The following DR1 variants were observed in gnomAD, a reference collection of about 807,000 sequenced individuals.
DR1 encodes the protein down-regulator of transcription 1.
In DR1, 7 loss-of-function variants were observed where a neutral mutation model predicts 19.9. The observed-to-expected ratio is 0.35, with a 90% CI of 0.20 to 0.66. The LOEUF (loss-of-function observed/expected upper bound fraction) is 0.66, where lower values mean the gene tolerates loss of function less well. DR1 is among the 30% of genes least tolerant of loss of function. The probability of loss-of-function intolerance (pLI) is 0.66; values close to 1 mark genes in which losing one functional copy is unlikely to be tolerated. For synonymous variants in DR1, 76 were observed against 72.5 expected, an observed-to-expected ratio of 1.05 and a Z score of -0.24; for missense variants, 98 against 203.7, an observed-to-expected ratio of 0.48 and a Z score of 3.16.
At chr1:93,351,022 C>T (rs112303306) in intron 1 of DR1, among the ~76,000 whole-genome samples, 103 of 152,252 alleles carry the variant, frequency 6.8e-4, no homozygotes, top group African/African-American at 2.2e-3. Flanking sequence ...ACTGAACAAC[C>T]TACCTAACTG....
At chr1:93,351,436 C>CTTTTTTTT (rs397862048) in intron 1 of DR1, among the ~76,000 whole-genome samples, 3 of 103,844 alleles carry the variant, frequency 2.9e-5, no homozygotes, top group East Asian at 2.8e-4. Flanking sequence ...GATTTTCTTT[C>CTTTTTTTT]TTTTTTTTTT....
chr1:93,346,549 C>A lies in DR1; in HGVS notation c.-97C>A. The A allele has an allele frequency of 1.0e-6, 1 of 981,016 alleles. No individual in the cohort carries two copies. The highest frequency in any genetic ancestry group is 1.6e-6 in the Non-Finnish European group (1 of 643,622). 60.8% of individuals were successfully genotyped at this position (981,016 alleles called of 1,614,324 possible). On this transcript the variant is annotated 5_prime_UTR_variant, in exon 1 of 3. Coordinates refer to ENST00000370272, the MANE Select transcript of DR1 (RefSeq NM_001938.3). ...CTCTTCGCAAAGCACCCCCCGGGAT[C>A]ACTCTCCGAGGGCGACTTTTTGAGA... is the stretch of plus-strand genomic sequence containing the variant.
chr1:93,358,141 GAGAA>G (rs1414786718), intron 2 of DR1, among the ~76,000 whole-genome samples: 2 of 152,126 alleles, frequency 1.3e-5, no homozygotes, highest in African/African-American at 4.8e-5. Flanking sequence ...AAGAAGGAAA[GAGAA>G]AGAAATCCCA....
chr1:93,357,880 T>C (rs994953191), intron 2 of DR1, among the ~76,000 whole-genome samples: 1 of 152,162 alleles, frequency 6.6e-6, no homozygotes, highest in African/African-American at 2.4e-5. Context: ...GTAAGACATA[T>C]GTGGTACTAT....
Position 93,364,326 on chromosome 1 carries a change from C to T in DR1, c.*3687C>T, listed in dbSNP as rs752684687. The T allele has an allele frequency of 6.6e-6, 1 of 151,988 alleles. No individual in the cohort carries two copies. Among genetic ancestry groups the T allele is most frequent in the Non-Finnish European group, 1.5e-5 (1 of 67,994 alleles). 9.4% of individuals were successfully genotyped at this position (151,988 alleles called of 1,614,324 possible). On this transcript the variant is annotated 3_prime_UTR_variant, in exon 3 of 3. Coordinates refer to ENST00000370272, the MANE Select transcript of DR1 (RefSeq NM_001938.3). ...AGAAAAAATGCAAATTTTAAGTAAT[C>T]GTAAGTAGTATGTTGAATTAGTATG...
At position 93,364,700 on chromosome 1, in the gene DR1, T is replaced by G. The variant is rs575703043; in HGVS notation, c.*4061T>G. 21 of 152,114 alleles carry G rather than the reference T, an allele frequency of 1.4e-4. No individual in the cohort carries two copies. Among genetic ancestry groups the G allele is most frequent in the African/African-American group, 4.3e-4 (18 of 41,484 alleles). 9.4% of individuals were successfully genotyped at this position (152,114 alleles called of 1,614,324 possible). ...AGAATGATAACATAAGTAGCCTCCT[T>G]TCACCTAAAGTATTACCACTGGTTC... On this transcript the variant is annotated 3_prime_UTR_variant, in exon 3 of 3. Transcript: ENST00000370272.
chr1:93,352,750 A>C (rs1356028546), intron 1 of DR1, among the ~76,000 whole-genome samples: 1 of 152,204 alleles, frequency 6.6e-6, no homozygotes, highest in South Asian at 2.1e-4. Flanking sequence ...ATGTTTCATC[A>C]TTGGTTCACA....
intron 1 of DR1, among the ~76,000 whole-genome samples, chr1:93,347,504 C>G (rs77637214): frequency 0.025 from 3,768 of 152,008 alleles, 131 homozygotes; most frequent in African/African-American, 0.081. Flanking sequence ...TCGTTTTTTT[C>G]TTTTCGTTTG....
Position 93,346,598 on chromosome 1 carries a change from G to C in DR1, c.-48G>C. ...GAAATCTCGGTGGAGTAGTGGACCAGAGCTGGGGAGTTTTTAAAAGCCGGG... is the reference window on the plus strand; with the variant it reads ...GAAATCTCGGTGGAGTAGTGGACCACAGCTGGGGAGTTTTTAAAAGCCGGG... On this transcript the variant is annotated 5_prime_UTR_variant, in exon 1 of 3. Transcript: ENST00000370272. 1 of 1,517,230 alleles carries C rather than the reference G, an allele frequency of 6.6e-7. No individual in the cohort carries two copies. Among genetic ancestry groups the C allele is most frequent in the Non-Finnish European group, 9.1e-7 (1 of 1,097,196 alleles). 94.0% of individuals were successfully genotyped at this position (1,517,230 alleles called of 1,614,324 possible). A position where few individuals can be genotyped will look rare whatever the true frequency, so the allele number is the denominator to read the frequency against.
At position 93,366,789 on chromosome 1, in the gene DR1, C is replaced by G. The variant is rs1420903864; in HGVS notation, c.*6150C>G. 1 of 152,116 alleles carries G rather than the reference C, an allele frequency of 6.6e-6. No individual in the cohort carries two copies. Among genetic ancestry groups the G allele is most frequent in the African/African-American group, 2.4e-5 (1 of 41,418 alleles). The allele number at this position is 152,116 out of a possible 1,614,324, so 9.4% of individuals were successfully genotyped here. On this transcript the variant is annotated 3_prime_UTR_variant, in exon 3 of 3. Transcript: ENST00000370272. ...AGTCGAGGTGGGCAGATGGCTTGAC[C>G]TCAGGAGTTCGGAACCAGCCTGGGT...
At chr1:93,357,881 G>C (rs1457041898) in intron 2 of DR1, among the ~76,000 whole-genome samples, 3 of 152,072 alleles carry the variant, frequency 2.0e-5, no homozygotes, top group African/African-American at 7.2e-5. Context: ...TAAGACATAT[G>C]TGGTACTATA....
chr1:93,354,862 C>G (rs1666958890), intron 2 of DR1: 1 of 152,012 alleles, frequency 6.6e-6, no homozygotes, highest in African/African-American at 2.4e-5. Flanking sequence ...CACTAGACAC[C>G]AAGTACCATT....
chr1:93,346,019 C>CA lies in DR1; in HGVS notation c.-626dup, dbSNP rs1459517335. 6.5e-6 allele frequency: 1 copy of CA among 155,006 alleles called. No individual in the cohort carries two copies. Among genetic ancestry groups the CA allele is most frequent in the Non-Finnish European group, 1.4e-5 (1 of 69,318 alleles). 9.6% of individuals were successfully genotyped at this position (155,006 alleles called of 1,614,324 possible). A position where few individuals can be genotyped will look rare whatever the true frequency, so the allele number is the denominator to read the frequency against. ...CGTTCGGGCTACGCGGCCACGGCGG[C>CA]AGCCACTGCGACTCCCACTGTGCCT... On this transcript the variant is annotated 5_prime_UTR_variant, in exon 1 of 3. Coordinates refer to ENST00000370272, the MANE Select transcript of DR1 (RefSeq NM_001938.3).
chr1:93,362,237 T>C lies in DR1; in HGVS notation c.*1598T>C, dbSNP rs1489170383. 6.6e-6 allele frequency: 1 copy of C among 152,466 alleles called. No homozygotes were observed. Among genetic ancestry groups the C allele is most frequent in the Non-Finnish European group, 1.5e-5 (1 of 67,876 alleles). 9.4% of individuals were successfully genotyped at this position (152,466 alleles called of 1,614,324 possible). A position where few individuals can be genotyped will look rare whatever the true frequency, so the allele number is the denominator to read the frequency against. ...GCTGAATGTTTTAAGTTGAAGTTACTTCATGGATGTCATACCCATGAAGTG... is the reference window on the plus strand; with the variant it reads ...GCTGAATGTTTTAAGTTGAAGTTACCTCATGGATGTCATACCCATGAAGTG... On this transcript the variant is annotated 3_prime_UTR_variant, in exon 3 of 3. Transcript: ENST00000370272.
intron 2 of DR1, chr1:93,355,072 G>T (rs1217565359): frequency 6.6e-6 from 1 of 152,084 alleles, no homozygotes; most frequent in African/African-American, 2.4e-5. Context: ...AAGAAGAGGT[G>T]TTGATGTTTT....
rs1271202639 is a variant in DR1, at chr1:93,362,833, T to C, written c.*2194T>C. 8.6e-6 allele frequency: 1 copy of C among 116,036 alleles called. No homozygotes were observed. Among genetic ancestry groups the C allele is most frequent in the Non-Finnish European group, 1.8e-5 (1 of 54,400 alleles). The allele number at this position is 116,036 out of a possible 1,614,324, so 7.2% of individuals were successfully genotyped here. On this transcript the variant is annotated 3_prime_UTR_variant, in exon 3 of 3. Transcript: ENST00000370272. ...TTTATTTTTAGGTTTTTTCTTTTTTTTTTTTTTTTTTTTTTTTTTTTAGCA... is the reference window on the plus strand; with the variant it reads ...TTTATTTTTAGGTTTTTTCTTTTTTCTTTTTTTTTTTTTTTTTTTTTAGCA...
intron 1 of DR1, among the ~76,000 whole-genome samples, chr1:93,348,335 A>C (rs1356409464): frequency 6.6e-6 from 1 of 151,982 alleles, no homozygotes; most frequent in African/African-American, 2.4e-5. Flanking sequence ...TAAGTCTTTC[A>C]CAAGATTATC....
At chr1:93,354,107 C>G in intron 2 of DR1, 36 bp downstream of exon 2, 1 of 1,581,614 alleles carries the variant, frequency 6.3e-7, no homozygotes, top group Non-Finnish European at 8.6e-7. Flanking sequence ...CCTCTGAATC[C>G]TACCCTGTTT....
chr1:93,352,311 C>T (rs1194148737), intron 1 of DR1, among the ~76,000 whole-genome samples: 4 of 152,186 alleles, frequency 2.6e-5, no homozygotes, highest in Non-Finnish European at 5.9e-5. Context: ...ACCTCATGAT[C>T]TGCCTGCCTT....
Sources: gnomAD v4.1 joint callset for allele counts (sites outside exome capture counted in the v4.1 genomes callset) on GRCh38, gnomAD v4.1.1 for gene constraint, MANE v1.5 for transcripts, NCBI Gene and HGNC (gene_info 2026-07-23, HGNC 2026-07-21) for gene names.